ANGPT1: variants seen among roughly 807,000 people sequenced by gnomAD.
The protein encoded by ANGPT1 is angiopoietin-1.
A neutral mutation model predicts 62.2 loss-of-function variants in ANGPT1; 17 were observed. The ratio of observed to expected loss-of-function variants is 0.27; its 90% CI spans 0.19 to 0.41. ANGPT1 has a LOEUF of 0.41. Among genes scored for constraint, ANGPT1 ranks in the 10% least tolerant of loss-of-function variants. The pLI is 1.00. For synonymous variants in ANGPT1, 199 were observed against 198.9 expected (o/e 1.00, Z 0.00); for missense variants, 478 against 594.9 (o/e 0.80, Z 2.04).
chr8:107,291,506 G>T (rs1298800964), intron 6 of ANGPT1, among the ~76,000 whole-genome samples: 7 of 152,032 alleles, frequency 4.6e-5, no homozygotes, highest in Non-Finnish European at 8.8e-5. Flanking sequence ...CTGCCTCCCA[G>T]GTTCAAGCGA....
chr8:107,432,938 T>C (rs1027338457), intron 1 of ANGPT1, among the ~76,000 whole-genome samples: 1 of 152,190 alleles, frequency 6.6e-6, no homozygotes, highest in Non-Finnish European at 1.5e-5. Context: ...TAGGCATTCA[T>C]TCCAGTTTGC....
chr8:107,258,171 T>C (rs1044257274), intron 8 of ANGPT1, among the ~76,000 whole-genome samples: 1 of 151,978 alleles, frequency 6.6e-6, no homozygotes, highest in African/African-American at 2.4e-5. Flanking sequence ...ACAATAGAGC[T>C]CTGTCATTCT....
chr8:107,290,718 C>A (rs936856170), intron 6 of ANGPT1, among the ~76,000 whole-genome samples: 2 of 152,042 alleles, frequency 1.3e-5, no homozygotes, highest in Admixed American at 6.6e-5. Context: ...AATTGACATT[C>A]ATCTGATAAA....
chr8:107,387,540 A>C (rs1404223716), intron 1 of ANGPT1, among the ~76,000 whole-genome samples: 7 of 152,180 alleles, frequency 4.6e-5, no homozygotes, highest in South Asian at 4.2e-4. Context: ...GGTACAATAG[A>C]CTATTTGTAA....
intron 1 of ANGPT1, among the ~76,000 whole-genome samples, chr8:107,456,848 G>A (rs1470937361): frequency 1.3e-5 from 2 of 152,008 alleles, no homozygotes; most frequent in Non-Finnish European, 2.9e-5. Flanking sequence ...CTAGGTACTT[G>A]ATCATGCTAA....
chr8:107,418,387 T>C (rs1025318071), intron 1 of ANGPT1, among the ~76,000 whole-genome samples: 2 of 152,106 alleles, frequency 1.3e-5, no homozygotes, highest in African/African-American at 4.8e-5. Flanking sequence ...GAGAAAAAAA[T>C]GGGCACATGA....
chr8:107,419,398 C>T (rs2130375179), intron 1 of ANGPT1, among the ~76,000 whole-genome samples: 1 of 152,232 alleles, frequency 6.6e-6, no homozygotes, highest in South Asian at 2.1e-4. Context: ...GCTATAAATG[C>T]CAGGATGAAT....
intron 1 of ANGPT1, among the ~76,000 whole-genome samples, chr8:107,390,387 T>C (rs1171855995): frequency 2.0e-5 from 3 of 148,758 alleles, no homozygotes. Flanking sequence ...GACCATTCAG[T>C]TCAGTCTGGT....
At chr8:107,368,179 G>T (rs1355562240) in intron 1 of ANGPT1, among the ~76,000 whole-genome samples, 1 of 152,184 alleles carries the variant, frequency 6.6e-6, no homozygotes, top group Non-Finnish European at 1.5e-5. Flanking sequence ...GATGGATATT[G>T]TGTTAGCAGG....
At chr8:107,285,132 A>C (rs1318361690) in intron 6 of ANGPT1, among the ~76,000 whole-genome samples, 2 of 152,166 alleles carry the variant, frequency 1.3e-5, no homozygotes, top group Non-Finnish European at 2.9e-5. Context: ...GTTTAACTGG[A>C]AAACAATTCT....
At chr8:107,278,557 G>T (rs762864918) in intron 7 of ANGPT1, among the ~76,000 whole-genome samples, 8 of 152,150 alleles carry the variant, frequency 5.3e-5, no homozygotes, top group Admixed American at 2.0e-4. Flanking sequence ...CCCCTTCATT[G>T]TAAGGTTCTA....
chr8:107,346,676 T>A (rs896327224), intron 2 of ANGPT1, among the ~76,000 whole-genome samples: 15 of 152,174 alleles, frequency 9.9e-5, no homozygotes, highest in African/African-American at 3.4e-4. Context: ...AGTTGGTAGC[T>A]GCAGTGCTTA....
intron 7 of ANGPT1, 154 bp downstream of exon 7, chr8:107,284,528 G>C (rs1814092376): frequency 3.4e-6 from 2 of 591,774 alleles, no homozygotes; most frequent in Non-Finnish European, 2.5e-6. Flanking sequence ...GTCTTTACAG[G>C]CTTTTTTGTA....
At chr8:107,382,856 A>G (rs1282709963) in intron 1 of ANGPT1, among the ~76,000 whole-genome samples, 1 of 152,158 alleles carries the variant, frequency 6.6e-6, no homozygotes, top group Non-Finnish European at 1.5e-5. Context: ...ACACTAAAAT[A>G]CAACTTATGA....
In ANGPT1 at chr8:107,497,767, T is replaced by C. The variant is rs2130555013; in HGVS notation, c.-209A>G. 3.4e-6 allele frequency: 2 copies of C among 595,348 alleles called. No homozygotes were observed. Among genetic ancestry groups the C allele is most frequent in the South Asian group, 4.5e-5 (2 of 44,550 alleles). The allele number at this position is 595,348 out of a possible 1,614,324, so 36.9% of individuals were successfully genotyped here. ...AATTTTTTATTTCACTGCAATGATG[T>C]TTTTCTTCGTTAAAACTTGAGATAT... On this transcript the variant is annotated 5_prime_UTR_variant, in exon 1 of 9. Coordinates refer to ENST00000517746, the MANE Select transcript of ANGPT1 (RefSeq NM_001146.5).
chr8:107,281,158 C>A (rs758849683), intron 7 of ANGPT1, among the ~76,000 whole-genome samples: 31 of 151,990 alleles, frequency 2.0e-4, no homozygotes, highest in Admixed American at 1.8e-3. Context: ...GCTCATCTAT[C>A]CATTCACAAC....
At chr8:107,311,979 G>A (rs1308096913) in intron 4 of ANGPT1, among the ~76,000 whole-genome samples, 1 of 151,532 alleles carries the variant, frequency 6.6e-6, no homozygotes, top group Non-Finnish European at 1.5e-5. Context: ...CAGGAGAATG[G>A]AGTGAACCTG....
At chr8:107,255,683 A>C (rs2129993757) in intron 8 of ANGPT1, among the ~76,000 whole-genome samples, 1 of 152,312 alleles carries the variant, frequency 6.6e-6, no homozygotes, top group South Asian at 2.1e-4. Flanking sequence ...AGTTTAAGGA[A>C]CTGCTTAAGG....
chr8:107,442,261 CT>C (rs895708397), intron 1 of ANGPT1, among the ~76,000 whole-genome samples: 1 of 152,150 alleles, frequency 6.6e-6, no homozygotes, highest in Non-Finnish European at 1.5e-5. Context: ...TATTGAATAT[CT>C]GTGGCAATGT....
Sources: allele counts gnomAD v4.1 joint callset (sites outside exome capture counted in the v4.1 genomes callset), GRCh38; gene constraint gnomAD v4.1.1; transcripts MANE v1.5; gene names NCBI Gene and HGNC (gene_info 2026-07-23, HGNC 2026-07-21).